The following COL4A1 variants were observed in gnomAD, a reference collection of about 807,000 sequenced individuals.
COL4A1 encodes collagen alpha-1(IV) chain.
COL4A1 carries 40 observed loss-of-function variants against 216.6 expected under a neutral mutation model. The observed-to-expected ratio is 0.18, with a 90% CI of 0.14 to 0.24. The LOEUF is 0.24. Ranked by LOEUF, COL4A1 falls within the 10% of genes least tolerant of loss-of-function variation. The pLI is 1.00. For missense variants in COL4A1, 1,628 were observed against 2,196.8 expected (o/e 0.74, Z 5.18); for synonymous variants, 839 against 810.7 (o/e 1.03, Z -0.59).
intron 1 of COL4A1, among the ~76,000 whole-genome samples, chr13:110,289,034 T>C (rs1484124189): frequency 1.3e-5 from 2 of 150,804 alleles, no homozygotes; most frequent in African/African-American, 2.4e-5. Context: ...CAAGACCCCA[T>C]CTCAAAAAAA....
intron 1 of COL4A1, among the ~76,000 whole-genome samples, chr13:110,300,967 G>T (rs906829116): frequency 5.9e-5 from 9 of 152,190 alleles, no homozygotes; most frequent in East Asian, 1.9e-4. Flanking sequence ...CAGATAAAAT[G>T]AAATGTTTTT....
intron 2 of COL4A1, among the ~76,000 whole-genome samples, chr13:110,217,065 A>AT (rs1207255004): frequency 6.6e-6 from 1 of 152,110 alleles, no homozygotes; most frequent in Non-Finnish European, 1.5e-5. Flanking sequence ...TTCCCCACAT[A>AT]TTTTTTTAAC....
intron 1 of COL4A1, among the ~76,000 whole-genome samples, chr13:110,275,367 C>T (rs1883390698): frequency 6.6e-6 from 1 of 152,156 alleles, no homozygotes; most frequent in African/African-American, 2.4e-5. Flanking sequence ...CAGTACACAC[C>T]TATTAAAGTG....
At chr13:110,208,757 G>T (rs930209187) in intron 12 of COL4A1, 92 bp downstream of exon 12, 5 of 1,182,600 alleles carry the variant, frequency 4.2e-6, no homozygotes, top group Non-Finnish European at 6.4e-6. Context: ...AACTATACTT[G>T]TAAGAGTCCA....
chr13:110,272,092 G>C (rs1056491758), intron 1 of COL4A1, among the ~76,000 whole-genome samples: 5 of 152,096 alleles, frequency 3.3e-5, no homozygotes, highest in African/African-American at 1.2e-4. Context: ...GAAATTTCTG[G>C]TCATAGCCTC....
chr13:110,170,967 C>T (rs1374142951), intron 41 of COL4A1, among the ~76,000 whole-genome samples: 1 of 152,218 alleles, frequency 6.6e-6, no homozygotes. Context: ...TGCTAGGAAC[C>T]CAGCTATCGT....
intron 2 of COL4A1, among the ~76,000 whole-genome samples, chr13:110,229,950 C>A (rs1343667726): frequency 6.6e-6 from 1 of 152,218 alleles, no homozygotes. Context: ...TTGGCTCTCA[C>A]TCCACGGTAA....
At chr13:110,306,853 A>T in intron 1 of COL4A1, 91 bp downstream of exon 1, 1 of 1,212,656 alleles carries the variant, frequency 8.2e-7, no homozygotes, top group South Asian at 2.0e-5. Flanking sequence ...CCCGAGGGGC[A>T]GGCGGACGGG....
intron 2 of COL4A1, among the ~76,000 whole-genome samples, chr13:110,235,616 G>A (rs936346506): frequency 2.1e-5 from 3 of 144,930 alleles, no homozygotes; most frequent in East Asian, 2.1e-4. Context: ...CTGAGATGAC[G>A]CCACTGCACA....
chr13:110,222,889 G>A (rs371002817), intron 2 of COL4A1, among the ~76,000 whole-genome samples: 6 of 151,836 alleles, frequency 4.0e-5, no homozygotes, highest in South Asian at 4.2e-4. Flanking sequence ...TTCTGTGGGC[G>A]GAGTGAGAGA....
chr13:110,210,668 T>A (rs1007962708), intron 8 of COL4A1, among the ~76,000 whole-genome samples: 27 of 152,242 alleles, frequency 1.8e-4, no homozygotes, highest in African/African-American at 6.0e-4. Context: ...ATTATTGGGT[T>A]AAACACCAGA....
At chr13:110,161,144 A>C (rs1877065155) in intron 49 of COL4A1, 48 bp downstream of exon 49, 2 of 1,581,268 alleles carry the variant, frequency 1.3e-6, no homozygotes, top group Non-Finnish European at 1.7e-6. Context: ...CAGACTAGAG[A>C]CTTTTCCTCT....
intron 51 of COL4A1, among the ~76,000 whole-genome samples, chr13:110,151,693 C>T (rs757204993): frequency 5.9e-5 from 9 of 152,188 alleles, no homozygotes; most frequent in Non-Finnish European, 1.0e-4. Context: ...GCATTGGCTC[C>T]AGCGGGGCTG....
At chr13:110,195,387 G>A (rs188145675) in intron 21 of COL4A1, among the ~76,000 whole-genome samples, 1 of 152,274 alleles carries the variant, frequency 6.6e-6, no homozygotes, top group East Asian at 1.9e-4. Flanking sequence ...CATCAGCCCT[G>A]TCCTGTATAC....
chr13:110,259,481 AGGT>A (rs1882728582), intron 1 of COL4A1, among the ~76,000 whole-genome samples: 2 of 152,168 alleles, frequency 1.3e-5, no homozygotes, highest in Admixed American at 1.3e-4. Context: ...TAGCCTAAGG[AGGT>A]GAAGGAATCA....
Position 110,172,726 on chromosome 13 carries a change from C to G in COL4A1, c.3550G>C (p.Asp1184His). 6.2e-7 allele frequency: 1 copy of G among 1,613,860 alleles called. No individual in the cohort carries two copies. Among genetic ancestry groups the G allele is most frequent in the Non-Finnish European group, 8.5e-7 (1 of 1,179,720 alleles). ...GFPGFPGAKG[D>H]KGSKGEVGFP... ...CACAGTGAGCAAAGATTACCTTTGT[C>G]TCCTTTGGCCCCTGGAAACCCTGGG... Residue 1184 changes from aspartate to histidine, a missense_variant, in exon 41 of 52, where the codon GAC becomes CAC. Physicochemically the swap from Asp to His is moderately conservative, Grantham distance 81. Coordinates refer to ENST00000375820, the MANE Select transcript of COL4A1 (RefSeq NM_001845.6).
At chr13:110,170,845 G>C in intron 41 of COL4A1, 113 bp from the exon 42 acceptor site, 1 of 1,154,242 alleles carries the variant, frequency 8.7e-7, no homozygotes, top group Non-Finnish European at 1.3e-6. Context: ...GTACCGCTCA[G>C]AGGGAGCTTC....
At chr13:110,277,115 A>T (rs1883460903) in intron 1 of COL4A1, among the ~76,000 whole-genome samples, 1 of 152,208 alleles carries the variant, frequency 6.6e-6, no homozygotes, top group Non-Finnish European at 1.5e-5. Flanking sequence ...AATCGAGCTT[A>T]AATGATTGAA....
chr13:110,256,127 A>T (rs1468131875), intron 1 of COL4A1, among the ~76,000 whole-genome samples: 1 of 152,102 alleles, frequency 6.6e-6, no homozygotes, highest in African/African-American at 2.4e-5. Context: ...AATCTTGCCT[A>T]ACATTTCAGC....
Sources: allele counts gnomAD v4.1 joint callset (sites outside exome capture counted in the v4.1 genomes callset), GRCh38; gene constraint gnomAD v4.1.1; transcripts MANE v1.5; gene names NCBI Gene and HGNC (gene_info 2026-07-23, HGNC 2026-07-21).